ELOVL4: variants seen among roughly 807,000 people sequenced by gnomAD.
ELOVL4 encodes ELOVL fatty acid elongase 4.
A neutral mutation model predicts 42.1 loss-of-function variants in ELOVL4; 18 were observed. The observed-to-expected ratio is 0.43, with a 90% confidence interval of 0.30 to 0.63. ELOVL4 has a LOEUF of 0.63. ELOVL4 is among the 30% of genes least tolerant of loss of function. The pLI is 0.15. For synonymous variants in ELOVL4, 117 were observed against 127.0 expected, an observed-to-expected ratio of 0.92 and a Z score of 0.53; for missense variants, 299 against 376.2, an observed-to-expected ratio of 0.79 and a Z score of 1.70.
chr6:79,938,073 T>C (rs1203741669), intron 1 of ELOVL4, among the ~76,000 whole-genome samples: 1 of 152,150 alleles, frequency 6.6e-6, no homozygotes, highest in East Asian at 1.9e-4. Flanking sequence ...GGCCTATTCA[T>C]AAAAGCCAGT....
rs1281171896 is a variant in ELOVL4, at chr6:79,947,512, G to T, written c.-233C>A. The T allele has an allele frequency of 5.3e-6, 3 of 563,410 alleles. No homozygotes were observed. The highest frequency in any genetic ancestry group is 9.5e-6 in the Non-Finnish European group (3 of 314,924). The allele number at this position is 563,410 out of a possible 1,614,324, so 34.9% of individuals were successfully genotyped here. On this transcript the variant is annotated 5_prime_UTR_variant, in exon 1 of 6. Transcript: ENST00000369816. ...TTCCCGGGAGAAAGACGAGGAGGTG[G>T]AGGAGGCCCAGCCGCCAGCACAGTG...
intron 4 of ELOVL4, 136 bp downstream of exon 4, chr6:79,921,489 A>AAAAAAAAAAAAAAAT: frequency 2.2e-6 from 1 of 448,706 alleles, no homozygotes; most frequent in Non-Finnish European, 3.7e-6. Flanking sequence ...AAAAAAAAAA[A>AAAAAAAAAAAAAAAT]GAAATGAACA....
rs34673896 is a variant in ELOVL4, at chr6:79,928,727, G to GTTTTTTT, written c.101-2353_101-2347dup. ...TACCAGTAAGTAGACTGGTGACTGG[G>GTTTTTTT]TTTTTTTTTTTTTTTTTTTTTTTTT... On this transcript the variant is annotated intron_variant, in intron 1 of 5. Transcript: ENST00000369816. Among the ~76,000 whole-genome samples the GTTTTTTT allele has an allele frequency of 4.9e-3, 369 of 75,594 alleles. 45 individuals are homozygous for GTTTTTTT. The highest frequency in any genetic ancestry group is 0.021 in the African/African-American group (329 of 15,710). 49.6% of individuals were successfully genotyped at this position (75,594 alleles called of 152,430 possible).
chr6:79,930,190 C>T (rs1774420377), intron 1 of ELOVL4, among the ~76,000 whole-genome samples: 1 of 152,208 alleles, frequency 6.6e-6, no homozygotes. Flanking sequence ...GGGAAAAAAG[C>T]AATGCCCTCA....
At chr6:79,921,521 G>C in intron 4 of ELOVL4, 104 bp downstream of exon 4, 1 of 479,796 alleles carries the variant, frequency 2.1e-6, no homozygotes. Context: ...AACCATGAAA[G>C]CAAGTTAAAT....
chr6:79,933,241 T>A (rs1395236121), intron 1 of ELOVL4, among the ~76,000 whole-genome samples: 1 of 151,444 alleles, frequency 6.6e-6, no homozygotes, highest in Non-Finnish European at 1.5e-5. Context: ...TGTTTGTTTG[T>A]TTGTTTTGGG....
Position 79,947,193 on chromosome 6 carries a change from G to C in ELOVL4, c.87C>G (p.Thr29=), listed in dbSNP as rs1197641321. The C allele has an allele frequency of 6.2e-7, 1 of 1,612,778 alleles. No homozygotes were observed. Among genetic ancestry groups the C allele is most frequent in the Admixed American group, 1.7e-5 (1 of 59,928 alleles). The change falls in exon 1 of 6, where the codon ACC becomes ACG. Residue 29 remains threonine (T), a synonymous_variant. Transcript: ENST00000369816. ...LNDTVEFYRW[T]WSIADKRVEN... ...CAGCGGCTTTACCTGCGATGGACCA[G>C]GTCCAGCGGTAGAACTCTACCGTGT...
Position 79,916,517 on chromosome 6 carries a change from C to G in ELOVL4, c.*91G>C. On this transcript the variant is annotated 3_prime_UTR_variant, in exon 6 of 6. Coordinates refer to ENST00000369816, the MANE Select transcript of ELOVL4 (RefSeq NM_022726.4). Reference sequence around the variant, plus strand: ...GCACATTTGTCTTTTCTCCCCACCCCCAAGCTCTCCTTTGCTTCTGTTTTC... The same window carrying G: ...GCACATTTGTCTTTTCTCCCCACCCGCAAGCTCTCCTTTGCTTCTGTTTTC... The G allele has an allele frequency of 6.6e-7, 1 of 1,522,222 alleles. No homozygotes were observed. The highest frequency in any genetic ancestry group is 9.1e-7 in the Non-Finnish European group (1 of 1,102,678). 94.3% of individuals were successfully genotyped at this position (1,522,222 alleles called of 1,614,324 possible). A position where few individuals can be genotyped will look rare whatever the true frequency, so the allele number is the denominator to read the frequency against.
intron 1 of ELOVL4, among the ~76,000 whole-genome samples, chr6:79,926,955 A>C (rs1202401156): frequency 6.6e-6 from 1 of 152,196 alleles, no homozygotes; most frequent in Non-Finnish European, 1.5e-5. Context: ...CACCATATTC[A>C]AGACATTTTT....
chr6:79,916,129 C>CA lies in ELOVL4; in HGVS notation c.*478dup. The CA allele has an allele frequency of 6.1e-6, 1 of 164,290 alleles. No homozygotes were observed. The highest frequency in any genetic ancestry group is 1.3e-5 in the Non-Finnish European group (1 of 74,800). 10.2% of individuals were successfully genotyped at this position (164,290 alleles called of 1,614,324 possible). ...GACCATTCCGGTCAGCAAATGAATT[C>CA]AAATGTGCAAGTTTAAGTGTATACA... On this transcript the variant is annotated 3_prime_UTR_variant, in exon 6 of 6. Transcript: ENST00000369816.
At chr6:79,924,211 A>G (rs1335193023) in intron 3 of ELOVL4, among the ~76,000 whole-genome samples, 3 of 152,192 alleles carry the variant, frequency 2.0e-5, no homozygotes, top group Admixed American at 1.3e-4. Flanking sequence ...GTTTATGCCA[A>G]TACAAATTGT....
intron 2 of ELOVL4, 84 bp from the exon 3 acceptor site, chr6:79,925,116 C>A: frequency 1.1e-6 from 1 of 923,498 alleles, no homozygotes; most frequent in Non-Finnish European, 1.7e-6. Context: ...TGTAGCCTTT[C>A]AAATTATTTT....
At chr6:79,934,924 G>A (rs1774518057) in intron 1 of ELOVL4, among the ~76,000 whole-genome samples, 1 of 152,064 alleles carries the variant, frequency 6.6e-6, no homozygotes, top group Non-Finnish European at 1.5e-5. Flanking sequence ...ATTAAACTTA[G>A]AAGAGTTTAC....
intron 1 of ELOVL4, among the ~76,000 whole-genome samples, chr6:79,928,636 T>C (rs13201038): frequency 0.16 from 22,586 of 143,114 alleles, 1,907 homozygotes; most frequent in South Asian, 0.37. Context: ...TAGAGGCCAA[T>C]AGAAGAGTAA....
intron 1 of ELOVL4, among the ~76,000 whole-genome samples, chr6:79,942,215 G>A (rs926892474): frequency 6.6e-6 from 1 of 152,158 alleles, no homozygotes; most frequent in Non-Finnish European, 1.5e-5. Context: ...GGGGAATACT[G>A]AAGGATCAAG....
In ELOVL4 at chr6:79,945,726, G is replaced by T. The variant is rs577777679; in HGVS notation, c.100+1454C>A. ...CGTTTAAAGAACCGAAATCACAGAC[G>T]TGAAGGGAAGGGCACATCTTTCCCA... On this transcript the variant is annotated intron_variant, in intron 1 of 5. Transcript: ENST00000369816. Among the ~76,000 whole-genome samples the T allele has an allele frequency of 3.3e-5, 5 of 152,208 alleles. No homozygotes were observed. In the South Asian group the frequency reaches 1.0e-3, roughly 32 times the overall value.
At position 79,926,303 on chromosome 6, in the gene ELOVL4, A is replaced by G. The variant is rs200070820; in HGVS notation, c.179T>C (p.Val60Ala). 3.1e-6 allele frequency: 5 copies of G among 1,614,070 alleles called. No homozygotes were observed. Among genetic ancestry groups the G allele is most frequent in the Admixed American group, 1.7e-5 (1 of 60,004 alleles). The change falls in exon 2 of 6, where the codon GTG (valine) becomes GCG (alanine). Residue 60 changes from valine (V) to alanine (A), a missense_variant. Coordinates refer to ENST00000369816, the MANE Select transcript of ELOVL4 (RefSeq NM_022726.4). ...CTTCATCCATTTTGGACCCAGCCACACAAACAGGAGATAAAGAGTGCTTAT... is the reference window on the plus strand; with the variant it reads ...CTTCATCCATTTTGGACCCAGCCACGCAAACAGGAGATAAAGAGTGCTTAT... ...LSISTLYLLFVWLGPKWMKDR... is the reference protein window; with the variant it reads ...LSISTLYLLFAWLGPKWMKDR...
At chr6:79,944,867 T>C (rs1774709409) in intron 1 of ELOVL4, among the ~76,000 whole-genome samples, 1 of 152,042 alleles carries the variant, frequency 6.6e-6, no homozygotes, top group Non-Finnish European at 1.5e-5. Context: ...TTTCCAAACA[T>C]TTGACTCACC....
intron 5 of ELOVL4, among the ~76,000 whole-genome samples, chr6:79,919,036 T>A (rs532701929): frequency 7.2e-5 from 11 of 152,260 alleles, no homozygotes; most frequent in African/African-American, 2.2e-4. Flanking sequence ...AAGGACAAGA[T>A]GAAGAAAGGT....
Sources: gnomAD v4.1 joint callset for allele counts (sites outside exome capture counted in the v4.1 genomes callset) on GRCh38, gnomAD v4.1.1 for gene constraint, MANE v1.5 for transcripts, NCBI Gene and HGNC (gene_info 2026-07-23, HGNC 2026-07-21) for gene names.